WDR91: variants seen among roughly 807,000 people sequenced by gnomAD.
WDR91 encodes WD repeat-containing protein 91.
A neutral mutation model predicts 88.4 loss-of-function variants in WDR91; 52 were observed. The observed-to-expected ratio is 0.59, with a 90% CI of 0.47 to 0.74. The LOEUF (loss-of-function observed/expected upper bound fraction) is 0.74. Among genes scored for constraint, WDR91 ranks in the 30% least tolerant of loss-of-function variants. The pLI, the probability that WDR91 is intolerant of heterozygous loss-of-function variation, is 0.00. For synonymous variants in WDR91, 362 were observed against 389.5 expected, an observed-to-expected ratio of 0.93 and a Z score of 0.83; for missense variants, 824 against 954.5, an observed-to-expected ratio of 0.86 and a Z score of 1.80.
At position 135,189,406 on chromosome 7, in the gene WDR91, G is replaced by T; in HGVS notation, c.1706C>A (p.Ala569Asp). ...DPEPIAINCT[A>D]FNHNGNLLVT... ...CAGCAGGTTCCCGTTGTGATTGAAG[G>T]CTGTACAGTTGATAGCAATGGGTTC... Residue 569 changes from alanine to aspartate, a missense_variant, in exon 12 of 15, where the codon GCC (alanine) becomes GAC (aspartate). Transcript: ENST00000354475. 1 of 1,613,980 alleles carries T rather than the reference G, an allele frequency of 6.2e-7. No homozygotes were observed. Among genetic ancestry groups the T allele is most frequent in the Non-Finnish European group, 8.5e-7 (1 of 1,179,864 alleles).
intron 1 of WDR91, among the ~76,000 whole-genome samples, chr7:135,211,069 C>T (rs1052871516): frequency 3.9e-5 from 6 of 152,196 alleles, no homozygotes; most frequent in African/African-American, 1.4e-4. Flanking sequence ...TACCTAACCT[C>T]GGCTCCTAAA....
intron 1 of WDR91, among the ~76,000 whole-genome samples, chr7:135,210,112 G>A (rs907968026): frequency 2.6e-5 from 4 of 152,328 alleles, no homozygotes; most frequent in East Asian, 1.9e-4. Context: ...CATTTTGGGA[G>A]GCTGAGGTGG....
At chr7:135,202,388 TAG>T (rs1412002624) in intron 6 of WDR91, 1 of 152,254 alleles carries the variant, frequency 6.6e-6, no homozygotes, top group African/African-American at 2.4e-5. Flanking sequence ...TTTTTTAGAT[TAG>T]AGATATCTTT....
At chr7:135,199,182 T>C (rs1831481902) in intron 6 of WDR91, 1 of 152,198 alleles carries the variant, frequency 6.6e-6, no homozygotes, top group Non-Finnish European at 1.5e-5. Context: ...ATGATTAACA[T>C]GGATTCCTTG....
rs754680301 is a variant in WDR91, at chr7:135,204,387, G to A, written c.772C>T (p.Arg258Cys). The change falls in exon 6 of 15, where the codon CGT becomes TGT. Residue 258 changes from arginine (R) to cysteine (C), a missense_variant. Physicochemically the swap from Arg to Cys is radical, Grantham distance 180 (BLOSUM62 -3). Transcript: ENST00000354475. ...AGCAGCGAGGACAGGAAGCCCACACGAGGTGACTGGGAGAGGGAGGCATTC... is the reference window on the plus strand; with the variant it reads ...AGCAGCGAGGACAGGAAGCCCACACAAGGTGACTGGGAGAGGGAGGCATTC... ...QRNASLSQSP[R>C]VGFLSSLLPQ... 24 of 1,614,052 alleles carry A rather than the reference G, an allele frequency of 1.5e-5. No individual in the cohort carries two copies. The Admixed American group carries it at 1.5e-4, about 10-fold the overall frequency.
chr7:135,208,929 A>G lies in WDR91; in HGVS notation c.373T>C (p.Trp125Arg). The stretch of plus-strand genomic sequence containing the variant: ...AAGGGCAGGACAAACCAATCCTTCC[A>G]CTCAGCCTGGTTCTGGAGTTCCGTG... ...QATELQNQAE[W>R]KDWFVLPFLP... Residue 125 changes from tryptophan (W) to arginine (R), a missense_variant, in exon 3 of 15, where the codon TGG becomes CGG. Transcript: ENST00000354475. 1 of 1,614,150 alleles carries G rather than the reference A, an allele frequency of 6.2e-7. No homozygotes were observed. The highest frequency in any genetic ancestry group is 8.5e-7 in the Non-Finnish European group (1 of 1,180,008).
chr7:135,187,013 A>C lies in WDR91; in HGVS notation c.2038T>G (p.Tyr680Asp), dbSNP rs760582579. The change falls in exon 14 of 15, where the codon TAC becomes GAC. Residue 680 changes from tyrosine to aspartate, a missense_variant. Coordinates refer to ENST00000354475, the MANE Select transcript of WDR91 (RefSeq NM_014149.4). ...RLFAFDSEGN[Y>D]MLTCSATGGV... ...CCTGTGGCAGAACATGTCAGCATGT[A>C]ATTTCCCTCCGAGTCAAAAGCGAAG... 2 of 1,614,228 alleles carry C rather than the reference A, an allele frequency of 1.2e-6. No individual in the cohort carries two copies. Among genetic ancestry groups the C allele is most frequent in the Non-Finnish European group, 1.7e-6 (2 of 1,180,048 alleles).
rs918306240 is a variant in WDR91, at chr7:135,193,467, G to A, written c.1491-68C>T. On this transcript the variant is annotated intron_variant, in intron 10 of 14. Coordinates refer to ENST00000354475, the MANE Select transcript of WDR91 (RefSeq NM_014149.4). ...CAGAGGGAGGGTGCACTTTGGTCCTGAGGCTGGATCCTGCACAGGAGATGG... is the reference window on the plus strand; with the variant it reads ...CAGAGGGAGGGTGCACTTTGGTCCTAAGGCTGGATCCTGCACAGGAGATGG... 3.7e-6 allele frequency: 6 copies of A among 1,609,994 alleles called. No individual in the cohort carries two copies. The African/African-American group carries it at 8.0e-5, about 22-fold the overall frequency.
At chr7:135,204,101 G>T (rs1407145712) in intron 6 of WDR91, among the ~76,000 whole-genome samples, 167 bp downstream of exon 6, 1 of 152,254 alleles carries the variant, frequency 6.6e-6, no homozygotes, top group Non-Finnish European at 1.5e-5. Flanking sequence ...AGCCAGGAAA[G>T]GGGGAAGAAA....
intron 1 of WDR91, among the ~76,000 whole-genome samples, chr7:135,210,375 T>C (rs903255721): frequency 6.6e-6 from 1 of 152,144 alleles, no homozygotes; most frequent in East Asian, 1.9e-4. Flanking sequence ...ATGGCAGTGT[T>C]GCTTAACTGT....
intron 14 of WDR91, among the ~76,000 whole-genome samples, chr7:135,186,743 C>T (rs1000447724): frequency 6.6e-6 from 1 of 152,230 alleles, no homozygotes; most frequent in African/African-American, 2.4e-5. Context: ...GGGGGCCAGC[C>T]TGCCACACCC....
intron 5 of WDR91, 102 bp from the exon 6 acceptor site, chr7:135,204,535 C>G: frequency 7.6e-7 from 1 of 1,323,860 alleles, no homozygotes; most frequent in Non-Finnish European, 1.0e-6. Flanking sequence ...GTGACCAGGC[C>G]TGGGTCAGGT....
chr7:135,187,072 C>T lies in WDR91; in HGVS notation c.1979G>A (p.Gly660Asp), dbSNP rs544358977. The change falls in exon 14 of 15, where the codon GGC (glycine) becomes GAC (aspartate). Residue 660 changes from glycine to aspartate, a missense_variant. Coordinates refer to ENST00000354475, the MANE Select transcript of WDR91 (RefSeq NM_014149.4). Reference sequence around the variant, plus strand: ...CCTGGGGACTTGAACCTGCTTGTAGCCGCTGTATCCAGACAGCACAAAGGG... The same window carrying T: ...CCTGGGGACTTGAACCTGCTTGTAGTCGCTGTATCCAGACAGCACAAAGGG... The part of the protein sequence containing the change: ...TGPFVLSGYS[G>D]YKQVQVPRGR... 6.2e-7 allele frequency: 1 copy of T among 1,614,252 alleles called. No individual in the cohort carries two copies. Among genetic ancestry groups the T allele is most frequent in the Non-Finnish European group, 8.5e-7 (1 of 1,180,048 alleles).
intron 9 of WDR91, chr7:135,193,893 A>G (rs1019285595): frequency 1.9e-6 from 1 of 538,824 alleles, no homozygotes; most frequent in African/African-American, 1.9e-5. Flanking sequence ...CACAAAAAGT[A>G]TCTGTGGAAT....
At chr7:135,203,522 A>G (rs1449849092) in intron 6 of WDR91, among the ~76,000 whole-genome samples, 1 of 152,266 alleles carries the variant, frequency 6.6e-6, no homozygotes, top group African/African-American at 2.4e-5. Flanking sequence ...CATCAAAAAA[A>G]GATCCGCTTG....
intron 5 of WDR91, 57 bp downstream of exon 5, chr7:135,205,871 T>C: frequency 1.2e-6 from 2 of 1,608,694 alleles, no homozygotes; most frequent in East Asian, 2.2e-5. Flanking sequence ...CAGAGGGAAC[T>C]GTGGGGCTGA....
intron 6 of WDR91, among the ~76,000 whole-genome samples, chr7:135,203,092 G>A (rs1026518935): frequency 6.6e-6 from 1 of 152,168 alleles, no homozygotes; most frequent in African/African-American, 2.4e-5. Flanking sequence ...CGAGCAAACT[G>A]GGGTGGGTTT....
Position 135,205,953 on chromosome 7 carries a change from T to C in WDR91, c.700A>G (p.Met234Val). 1 of 1,613,930 alleles carries C rather than the reference T, an allele frequency of 6.2e-7. No individual in the cohort carries two copies. The highest frequency in any genetic ancestry group is 8.5e-7 in the Non-Finnish European group (1 of 1,180,030). Residue 234 changes from methionine to valine, a missense_variant, in exon 5 of 15, where the codon ATG (methionine) becomes GTG (valine). Met to Val is a conservative substitution (Grantham distance 21). Coordinates refer to ENST00000354475, the MANE Select transcript of WDR91 (RefSeq NM_014149.4). Reference protein sequence around the residue: ...QHKLPPYVSNMDRLGDSELAM... With the variant: ...QHKLPPYVSNVDRLGDSELAM... ...AGTTCCGAGTCCCCCAGGCGGTCCA[T>C]GTTGGAGACATAAGGAGGCAATTTG... is the stretch of plus-strand genomic sequence containing the variant.
intron 5 of WDR91, among the ~76,000 whole-genome samples, chr7:135,205,428 G>A (rs1010709844): frequency 1.6e-4 from 25 of 152,178 alleles, no homozygotes; most frequent in Non-Finnish European, 3.1e-4. Flanking sequence ...AGAACTCCTA[G>A]AGGACTTCTG....
Sources: allele counts gnomAD v4.1 joint callset (sites outside exome capture counted in the v4.1 genomes callset), GRCh38; gene constraint gnomAD v4.1.1; transcripts MANE v1.5; gene names NCBI Gene and HGNC (gene_info 2026-07-23, HGNC 2026-07-21).